Variants in ADGRB3 observed in about 807,000 individuals in gnomAD.
ADGRB3 encodes brain-specific angiogenesis inhibitor 3.
A neutral mutation model predicts 193.4 loss-of-function variants in ADGRB3; 37 were observed. The ratio of observed to expected loss-of-function variants is 0.19; its 90% CI spans 0.15 to 0.25. The LOEUF is 0.25. Among genes scored for constraint, ADGRB3 ranks in the 10% least tolerant of loss-of-function variants. The pLI is 1.00. For missense variants in ADGRB3, 1,637 were observed against 1,852.9 expected, an observed-to-expected ratio of 0.88 and a Z score of 2.14; for synonymous variants, 690 against 644.2, an observed-to-expected ratio of 1.07 and a Z score of -1.08.
chr6:69,028,334 T>TAA lies in ADGRB3; in HGVS notation c.2107+9835_2107+9836insAA, dbSNP rs1770499644. Among the ~76,000 whole-genome samples the TAA allele has an allele frequency of 2.0e-5, 3 of 152,312 alleles. No homozygotes were observed. The South Asian group carries it at 6.2e-4, about 32-fold the overall frequency. On this transcript the variant is annotated intron_variant, in intron 13 of 31. Transcript: ENST00000370598. ...ATTCTTTTGAAAGCTGTTTTCGGTT[T>TAA]TTTTGTTTGTTTGTTTTTGTTTTTA...
chr6:68,974,642 A>AG, intron 8 of ADGRB3, 121 bp from the exon 9 acceptor site: 1 of 720,264 alleles, frequency 1.4e-6, no homozygotes, highest in East Asian at 2.7e-5. Context: ...CTCTAAAAAA[A>AG]AGAAAGAAAA....
chr6:68,886,277 A>G (rs1408913591), intron 3 of ADGRB3, among the ~76,000 whole-genome samples: 1 of 152,050 alleles, frequency 6.6e-6, no homozygotes, highest in African/African-American at 2.4e-5. Context: ...TATTTTACCT[A>G]AAGTACAGTA....
At chr6:68,742,757 G>A (rs886777132) in intron 3 of ADGRB3, among the ~76,000 whole-genome samples, 1 of 152,006 alleles carries the variant, frequency 6.6e-6, no homozygotes, top group Non-Finnish European at 1.5e-5. Context: ...TGATAATAAA[G>A]TAGCCACGTA....
intron 3 of ADGRB3, among the ~76,000 whole-genome samples, chr6:68,774,623 C>A (rs1022545081): frequency 2.0e-5 from 3 of 151,654 alleles, no homozygotes; most frequent in Non-Finnish European, 4.4e-5. Context: ...TTGCTTTTTT[C>A]TTTCTTTTTT....
In ADGRB3 at chr6:69,048,286, G is replaced by T. The variant is rs776376254; in HGVS notation, c.2209G>T (p.Asp737Tyr). The change falls in exon 14 of 32, where the codon GAT becomes TAT. Residue 737 changes from aspartate (D) to tyrosine (Y), a missense_variant. By Grantham distance (160) the Asp-to-Tyr change is radical. Transcript: ENST00000370598. ...GGTTGACTGGGCAAGAAACTCAGAAGATAGGGTAGTAATTCCAAAAAGCAT... is the reference window on the plus strand; with the variant it reads ...GGTTGACTGGGCAAGAAACTCAGAATATAGGGTAGTAATTCCAAAAAGCAT... ...GMVDWARNSEDRVVIPKSIFT... is the reference protein window; with the variant it reads ...GMVDWARNSEYRVVIPKSIFT... The T allele has an allele frequency of 3.1e-6, 5 of 1,613,678 alleles. No individual in the cohort carries two copies. In the South Asian group the frequency reaches 4.4e-5, roughly 14 times the overall value.
At chr6:68,646,506 A>G (rs912577066) in intron 3 of ADGRB3, among the ~76,000 whole-genome samples, 14 of 151,860 alleles carry the variant, frequency 9.2e-5, no homozygotes, top group Non-Finnish European at 1.5e-4. Context: ...AAAAAGAAAA[A>G]AAGATGGACT....
chr6:69,303,872 A>G (rs1768004350), intron 20 of ADGRB3, among the ~76,000 whole-genome samples: 1 of 151,932 alleles, frequency 6.6e-6, no homozygotes, highest in African/African-American at 2.4e-5. Context: ...GCATAATAGT[A>G]ATCACCTTCT....
intron 26 of ADGRB3, among the ~76,000 whole-genome samples, chr6:69,341,376 T>A (rs770976908): frequency 2.2e-4 from 34 of 152,030 alleles, no homozygotes; most frequent in Non-Finnish European, 4.0e-4. Context: ...GTGATGATGA[T>A]CTATTTTTCA....
At chr6:68,884,009 A>G (rs1765822219) in intron 3 of ADGRB3, among the ~76,000 whole-genome samples, 1 of 150,612 alleles carries the variant, frequency 6.6e-6, no homozygotes, top group African/African-American at 2.4e-5. Context: ...CAGAATTAAA[A>G]GATATTTTAA....
intron 20 of ADGRB3, among the ~76,000 whole-genome samples, chr6:69,271,204 T>C (rs1469242269): frequency 3.3e-5 from 5 of 152,068 alleles, no homozygotes; most frequent in Non-Finnish European, 7.4e-5. Flanking sequence ...GTTAACATGG[T>C]TTTCAGGATG....
At chr6:68,831,841 C>T (rs1003461744) in intron 3 of ADGRB3, among the ~76,000 whole-genome samples, 23 of 152,146 alleles carry the variant, frequency 1.5e-4, no homozygotes, top group African/African-American at 5.3e-4. Context: ...GCATTTTCAT[C>T]CTTCCTTCAT....
intron 3 of ADGRB3, among the ~76,000 whole-genome samples, chr6:68,702,538 T>C (rs1765258222): frequency 6.6e-6 from 1 of 152,180 alleles, no homozygotes; most frequent in Non-Finnish European, 1.5e-5. Context: ...AGACTTCTTA[T>C]TGACTTAAGT....
chr6:68,739,521 T>A (rs763834366), intron 3 of ADGRB3, among the ~76,000 whole-genome samples: 9 of 152,052 alleles, frequency 5.9e-5, no homozygotes, highest in Non-Finnish European at 7.4e-5. Flanking sequence ...TGAAGGGAGA[T>A]GAGAGAAGTC....
intron 3 of ADGRB3, among the ~76,000 whole-genome samples, chr6:68,809,928 T>C (rs1767477819): frequency 6.6e-6 from 1 of 152,188 alleles, no homozygotes; most frequent in Admixed American, 6.5e-5. Flanking sequence ...GCATACATTA[T>C]TTAGTGAAAA....
intron 3 of ADGRB3, among the ~76,000 whole-genome samples, chr6:68,916,928 A>C (rs988870367): frequency 3.3e-5 from 5 of 152,110 alleles, no homozygotes; most frequent in African/African-American, 1.2e-4. Flanking sequence ...TCATAAAAGG[A>C]CTTTATATAT....
intron 2 of ADGRB3, among the ~76,000 whole-genome samples, chr6:68,637,856 T>G (rs1582089294): frequency 6.6e-6 from 1 of 152,080 alleles, no homozygotes; most frequent in Admixed American, 6.5e-5. Context: ...AATACAGTGA[T>G]CCACTTTATG....
At chr6:68,878,185 T>C (rs1420188891) in intron 3 of ADGRB3, among the ~76,000 whole-genome samples, 2 of 152,072 alleles carry the variant, frequency 1.3e-5, no homozygotes, top group Non-Finnish European at 2.9e-5. Context: ...ATACTTCTTT[T>C]TCTTTTTATT....
At chr6:68,680,290 A>C (rs538449550) in intron 3 of ADGRB3, among the ~76,000 whole-genome samples, 9 of 152,232 alleles carry the variant, frequency 5.9e-5, no homozygotes, top group Middle Eastern at 3.4e-3. Flanking sequence ...GGAAAAAAAA[A>C]CCAATACATT....
At chr6:68,870,699 T>C (rs1765431191) in intron 3 of ADGRB3, among the ~76,000 whole-genome samples, 1 of 152,212 alleles carries the variant, frequency 6.6e-6, no homozygotes, top group Non-Finnish European at 1.5e-5. Context: ...ACTTGCCCAC[T>C]CTGTGATTCA....
Sources: allele counts gnomAD v4.1 joint callset (sites outside exome capture counted in the v4.1 genomes callset), GRCh38; gene constraint gnomAD v4.1.1; transcripts MANE v1.5; gene names NCBI Gene and HGNC (gene_info 2026-07-23, HGNC 2026-07-21).